SKA2: variants seen among roughly 807,000 people sequenced by gnomAD.
The protein encoded by SKA2 is spindle and kinetochore associated complex subunit 2.
SKA2 carries 13 observed loss-of-function variants against 16.9 expected under a neutral mutation model. That is an observed-to-expected ratio of 0.77 (90% confidence interval 0.50 to 1.22). The LOEUF (loss-of-function observed/expected upper bound fraction) is 1.22, where lower values mean the gene tolerates loss of function less well. Among genes scored for constraint, SKA2 ranks in the 50% most tolerant of loss-of-function variants. The probability of loss-of-function intolerance (pLI) is 0.00; values close to 1 mark genes in which losing one functional copy is unlikely to be tolerated. For missense variants in SKA2, 107 were observed against 139.7 expected, an observed-to-expected ratio of 0.77 and a Z score of 1.18; for synonymous variants, 47 against 48.5, an observed-to-expected ratio of 0.97 and a Z score of 0.13.
At chr17:59,150,973 ATT>A (rs879552773) in intron 1 of SKA2, among the ~76,000 whole-genome samples, 7 of 152,078 alleles carry the variant, frequency 4.6e-5, no homozygotes, top group Non-Finnish European at 1.0e-4. Flanking sequence ...GCAGTAAAAT[ATT>A]GTTTTTAATT....
At chr17:59,113,455 G>A (rs951417952) in intron 3 of SKA2, among the ~76,000 whole-genome samples, 24 of 151,958 alleles carry the variant, frequency 1.6e-4, no homozygotes, top group African/African-American at 2.2e-4. Context: ...CCTGGGAGGC[G>A]GAGGCTGCAG....
At chr17:59,154,172 GAAA>G (rs111310705) in intron 1 of SKA2, among the ~76,000 whole-genome samples, 2 of 114,854 alleles carry the variant, frequency 1.7e-5, no homozygotes, top group Non-Finnish European at 3.6e-5. Context: ...CCCAACCTGG[GAAA>G]AAAAAAAAAA....
At chr17:59,125,689 A>C (rs1204780799) in intron 2 of SKA2, among the ~76,000 whole-genome samples, 1 of 151,562 alleles carries the variant, frequency 6.6e-6, no homozygotes, top group Non-Finnish European at 1.5e-5. Context: ...GTCTCCAAAA[A>C]AAAAAAAAAA....
intron 1 of SKA2, among the ~76,000 whole-genome samples, chr17:59,147,666 G>A (rs2046543832): frequency 6.7e-6 from 1 of 149,712 alleles, no homozygotes; most frequent in East Asian, 1.9e-4. Context: ...GTCTGGCTAT[G>A]TTGCCCAGGC....
At position 59,119,341 on chromosome 17, in the gene SKA2, A is replaced by T; in HGVS notation, c.275T>A (p.Leu92Gln). ...VKKTMNMIQK[L>Q]QKQTDLELSP... Reference sequence around the variant, plus strand: ...TACCTCCAGGTCTGTTTGCTTCTGTAGTTTTTGTATCATATTCATAGTCTT... The same window carrying T: ...TACCTCCAGGTCTGTTTGCTTCTGTTGTTTTTGTATCATATTCATAGTCTT... The change falls in exon 3 of 4, where the codon CTA becomes CAA. Residue 92 changes from leucine (L) to glutamine (Q), a missense_variant. By Grantham distance (113) the Leu-to-Gln change is moderately radical. Coordinates refer to ENST00000330137, the MANE Select transcript of SKA2 (RefSeq NM_182620.4). 8 of 1,613,882 alleles carry T rather than the reference A, an allele frequency of 5.0e-6. No homozygotes were observed. The highest frequency in any genetic ancestry group is 6.8e-6 in the Non-Finnish European group (8 of 1,179,840).
At chr17:59,138,261 G>T (rs1345779239) in intron 1 of SKA2, among the ~76,000 whole-genome samples, 2 of 151,882 alleles carry the variant, frequency 1.3e-5, no homozygotes, top group African/African-American at 4.8e-5. Flanking sequence ...GTTACATTCT[G>T]CCAGTTAGAT....
At chr17:59,142,626 TAAAAA>T (rs1185538230) in intron 1 of SKA2, among the ~76,000 whole-genome samples, 5 of 148,778 alleles carry the variant, frequency 3.4e-5, no homozygotes, top group African/African-American at 1.2e-4. Flanking sequence ...ATTTTAATAT[TAAAAA>T]AAAAGAGAGA....
At chr17:59,130,713 G>A (rs999669891) in intron 2 of SKA2, among the ~76,000 whole-genome samples, 4 of 151,872 alleles carry the variant, frequency 2.6e-5, no homozygotes, top group Non-Finnish European at 5.9e-5. Context: ...AGTGATTTTA[G>A]TGTTAATGTT....
At chr17:59,149,133 C>CT (rs35119385) in intron 1 of SKA2, among the ~76,000 whole-genome samples, 2 of 152,138 alleles carry the variant, frequency 1.3e-5, no homozygotes, top group African/African-American at 2.4e-5. Flanking sequence ...ATCAAGCATA[C>CT]TTTTTTTCCC....
intron 3 of SKA2, among the ~76,000 whole-genome samples, chr17:59,114,252 A>G (rs1172976511): frequency 6.6e-6 from 1 of 152,218 alleles, no homozygotes; most frequent in African/African-American, 2.4e-5. Context: ...TCTCAGGCAC[A>G]TCGCTATGAG....
intron 2 of SKA2, among the ~76,000 whole-genome samples, chr17:59,125,478 A>G (rs2046365680): frequency 2.0e-5 from 3 of 150,580 alleles, no homozygotes; most frequent in African/African-American, 7.3e-5. Context: ...AGACTGGTGG[A>G]TCACCTGAGG....
chr17:59,128,345 C>T (rs1229521290), intron 2 of SKA2, among the ~76,000 whole-genome samples: 1 of 151,820 alleles, frequency 6.6e-6, no homozygotes, highest in Non-Finnish European at 1.5e-5. Context: ...CCTAAGTGGG[C>T]CAGGTGCAGT....
intron 3 of SKA2, among the ~76,000 whole-genome samples, chr17:59,117,002 A>G (rs1283674746): frequency 6.6e-6 from 1 of 151,486 alleles, no homozygotes; most frequent in Non-Finnish European, 1.5e-5. Context: ...ATTTTAGTAG[A>G]GATGGGGTTT....
At chr17:59,136,416 G>A (rs985807290) in intron 1 of SKA2, among the ~76,000 whole-genome samples, 2 of 152,010 alleles carry the variant, frequency 1.3e-5, no homozygotes, top group Non-Finnish European at 2.9e-5. Flanking sequence ...CACCCACCTC[G>A]GCCTCCCAAA....
chr17:59,146,360 A>G (rs1005117072), intron 1 of SKA2, among the ~76,000 whole-genome samples: 2 of 152,126 alleles, frequency 1.3e-5, no homozygotes, highest in African/African-American at 4.8e-5. Flanking sequence ...TTAGCTGGGC[A>G]TGGCGATGCA....
At chr17:59,147,407 C>T (rs2046542148) in intron 1 of SKA2, among the ~76,000 whole-genome samples, 1 of 151,400 alleles carries the variant, frequency 6.6e-6, no homozygotes, top group African/African-American at 2.4e-5. Context: ...CACACACACA[C>T]ACACATTTGG....
chr17:59,130,414 C>T (rs2147806017), intron 2 of SKA2, among the ~76,000 whole-genome samples: 1 of 145,936 alleles, frequency 6.9e-6, no homozygotes, highest in South Asian at 2.2e-4. Context: ...GAGCTCAAGA[C>T]CAGCCTGGCC....
At chr17:59,126,120 G>A (rs1485084036) in intron 2 of SKA2, among the ~76,000 whole-genome samples, 2 of 151,916 alleles carry the variant, frequency 1.3e-5, no homozygotes, top group Admixed American at 6.6e-5. Flanking sequence ...GCAGTGAGCC[G>A]AGATCGCGCC....
At chr17:59,147,536 A>G (rs2046543047) in intron 1 of SKA2, among the ~76,000 whole-genome samples, 1 of 151,654 alleles carries the variant, frequency 6.6e-6, no homozygotes, top group South Asian at 2.1e-4. Context: ...TTTCCCAACT[A>G]TTTTTAAAGG....
Sources: allele counts gnomAD v4.1 joint callset (sites outside exome capture counted in the v4.1 genomes callset), GRCh38; gene constraint gnomAD v4.1.1; transcripts MANE v1.5; gene names NCBI Gene and HGNC (gene_info 2026-07-23, HGNC 2026-07-21).